PTPRE: variants seen among roughly 807,000 people sequenced by gnomAD.
The protein encoded by PTPRE is protein tyrosine phosphatase receptor type E, also known as receptor-type tyrosine-protein phosphatase epsilon.
A neutral mutation model predicts 102.0 loss-of-function variants in PTPRE; 51 were observed. That is an observed-to-expected ratio of 0.50 (90% confidence interval 0.40 to 0.63). The LOEUF is 0.63. PTPRE is among the 30% of genes least tolerant of loss of function. PTPRE has a pLI of 0.00. For missense variants in PTPRE, 752 were observed against 915.1 expected, an observed-to-expected ratio of 0.82 and a Z score of 2.30; for synonymous variants, 345 against 348.2, an observed-to-expected ratio of 0.99 and a Z score of 0.10.
chr10:127,988,117 G>A (rs905917389), intron 2 of PTPRE, among the ~76,000 whole-genome samples: 12 of 152,264 alleles, frequency 7.9e-5, no homozygotes, highest in Middle Eastern at 6.8e-3. Context: ...TCTCAGACCC[G>A]GCGGTGCATC....
At chr10:128,060,531 G>C (rs1213877094) in intron 7 of PTPRE, among the ~76,000 whole-genome samples, 1 of 152,124 alleles carries the variant, frequency 6.6e-6, no homozygotes, top group Non-Finnish European at 1.5e-5. Context: ...CCTGTCCTGG[G>C]GCTCTTTTAA....
In PTPRE at chr10:128,071,388, G is replaced by C. The variant is rs148416256; in HGVS notation, c.1387+487G>C. 3.6e-3 allele frequency: 639 copies of C among 176,996 alleles called. 10 individuals are homozygous for C. The highest frequency in any genetic ancestry group is 0.015 in the African/African-American group (618 of 42,168). The allele number at this position is 176,996 out of a possible 1,614,324, so 11.0% of individuals were successfully genotyped here. A position where few individuals can be genotyped will look rare whatever the true frequency, so the allele number is the denominator to read the frequency against. ...TGAGGAGGACAAGAAATGGGCCTAG[G>C]GTAGAGTCAGGACACTGGTCTGCCA... is the stretch of plus-strand genomic sequence containing the variant. On this transcript the variant is annotated intron_variant, in intron 15 of 20. Coordinates refer to ENST00000254667, the MANE Select transcript of PTPRE (RefSeq NM_006504.6).
In PTPRE at chr10:128,082,262, G is replaced by A. The variant is rs182172868; in HGVS notation, c.2029-570G>A. 4.6e-3 allele frequency among the ~76,000 whole-genome samples: 599 copies of A among 129,236 alleles called. 2 individuals are homozygous for A. The highest frequency in any genetic ancestry group is 0.011 in the Admixed American group (120 of 10,712). 84.8% of individuals were successfully genotyped at this position (129,236 alleles called of 152,430 possible). A position where few individuals can be genotyped will look rare whatever the true frequency, so the allele number is the denominator to read the frequency against. On this transcript the variant is annotated intron_variant, in intron 20 of 20. Transcript: ENST00000254667. ...ACTCTGTCACCTAGGCTGGAGTGCA[G>A]TGGTGCAGTGGCACAATCTTGGCTC...
At chr10:128,038,484 G>A (rs915709321) in intron 2 of PTPRE, among the ~76,000 whole-genome samples, 1 of 152,068 alleles carries the variant, frequency 6.6e-6, no homozygotes, top group African/African-American at 2.4e-5. Flanking sequence ...GCCATAAAAA[G>A]GGATGAGTTC....
chr10:128,024,940 G>A (rs1044556721), intron 2 of PTPRE, among the ~76,000 whole-genome samples: 18 of 152,028 alleles, frequency 1.2e-4, no homozygotes, highest in Non-Finnish European at 1.6e-4. Flanking sequence ...AGGATCACCC[G>A]AGGCCAGGAG....
chr10:127,953,158 G>C (rs1849158975), intron 1 of PTPRE, among the ~76,000 whole-genome samples: 1 of 152,246 alleles, frequency 6.6e-6, no homozygotes, highest in African/African-American at 2.4e-5. Flanking sequence ...GAGTGTGTCA[G>C]AACAGGAGAA....
At chr10:127,925,367 T>C (rs1846925192) in intron 1 of PTPRE, among the ~76,000 whole-genome samples, 1 of 152,256 alleles carries the variant, frequency 6.6e-6, no homozygotes, top group Non-Finnish European at 1.5e-5. Flanking sequence ...TGGCTGGCTC[T>C]TTCCAAACAG....
At chr10:127,983,841 C>T (rs531607614) in intron 2 of PTPRE, among the ~76,000 whole-genome samples, 2 of 152,176 alleles carry the variant, frequency 1.3e-5, no homozygotes, top group Non-Finnish European at 2.9e-5. Context: ...CAGCAGCTCC[C>T]GCAGCTGAGT....
At chr10:128,026,281 G>A (rs1380504287) in intron 2 of PTPRE, among the ~76,000 whole-genome samples, 1 of 152,242 alleles carries the variant, frequency 6.6e-6, no homozygotes, top group African/African-American at 2.4e-5. Context: ...AAGGCAAAGG[G>A]GCACTGCCTG....
intron 19 of PTPRE, among the ~76,000 whole-genome samples, chr10:128,078,611 C>T (rs1851430532): frequency 6.6e-6 from 1 of 152,228 alleles, no homozygotes; most frequent in African/African-American, 2.4e-5. Context: ...CACTGTCCCA[C>T]CCCTTATAGC....
At chr10:127,920,611 C>T (rs968364687) in intron 1 of PTPRE, among the ~76,000 whole-genome samples, 2 of 152,214 alleles carry the variant, frequency 1.3e-5, no homozygotes, top group Non-Finnish European at 2.9e-5. Context: ...GTGGACTTCC[C>T]TGGTCTCTCC....
At chr10:128,031,593 C>G (rs1254085091) in intron 2 of PTPRE, among the ~76,000 whole-genome samples, 1 of 152,200 alleles carries the variant, frequency 6.6e-6, no homozygotes, top group Non-Finnish European at 1.5e-5. Context: ...TCTGATAAAG[C>G]ACATCTCTTC....
At chr10:128,023,812 C>G (rs754335111) in intron 2 of PTPRE, among the ~76,000 whole-genome samples, 1 of 152,182 alleles carries the variant, frequency 6.6e-6, no homozygotes, top group Admixed American at 6.5e-5. Context: ...GGAGGTTAAC[C>G]TTGCTGTCTT....
intron 15 of PTPRE, chr10:128,071,383 C>T: frequency 5.6e-6 from 1 of 179,034 alleles, no homozygotes. Context: ...AAGAAATGGG[C>T]CTAGGGTAGA....
rs1363663970 is a variant in PTPRE at position 128,021,961 on chromosome 10, T to A, written c.-7-18914T>A. ...GCAATTTTCAGGACTGATCCTAGAG[T>A]ATGCATTCAATTATTGATCATCAAT... On this transcript the variant is annotated intron_variant, in intron 2 of 20. Coordinates refer to ENST00000254667, the MANE Select transcript of PTPRE (RefSeq NM_006504.6). Among the ~76,000 whole-genome samples, 3 of 152,116 alleles carry A rather than the reference T, an allele frequency of 2.0e-5. No individual in the cohort carries two copies. In the East Asian group the frequency reaches 5.8e-4, roughly 29 times the overall value.
intron 1 of PTPRE, among the ~76,000 whole-genome samples, chr10:127,963,671 AGT>A (rs149147211): frequency 3.3e-4 from 49 of 150,488 alleles, no homozygotes; most frequent in Admixed American, 1.1e-3. Flanking sequence ...CCTGGGGTGG[AGT>A]GTGTGTGTGT....
At chr10:127,933,754 C>G (rs1230418272) in intron 1 of PTPRE, among the ~76,000 whole-genome samples, 1 of 152,180 alleles carries the variant, frequency 6.6e-6, no homozygotes, top group Non-Finnish European at 1.5e-5. Flanking sequence ...GGTGACCTCT[C>G]TTAGCTGGGA....
chr10:128,020,643 C>A (rs1160457089), intron 2 of PTPRE, among the ~76,000 whole-genome samples: 1 of 152,210 alleles, frequency 6.6e-6, no homozygotes, highest in Admixed American at 6.5e-5. Context: ...CTGGGCAGCC[C>A]TGCTGGGAAA....
chr10:127,950,588 C>G (rs889651467), intron 1 of PTPRE, among the ~76,000 whole-genome samples: 4 of 152,140 alleles, frequency 2.6e-5, no homozygotes, highest in African/African-American at 4.8e-5. Flanking sequence ...TCTCTGTAGG[C>G]TGGACTTTAC....
Sources: allele counts gnomAD v4.1 joint callset (sites outside exome capture counted in the v4.1 genomes callset), GRCh38; gene constraint gnomAD v4.1.1; transcripts MANE v1.5; gene names NCBI Gene and HGNC (gene_info 2026-07-23, HGNC 2026-07-21).